Variants in ZMAT4 observed in about 807,000 individuals in gnomAD.
The protein encoded by ZMAT4 is zinc finger matrin-type protein 4.
ZMAT4 carries 17 observed loss-of-function variants against 28.7 expected under a neutral mutation model. The ratio of observed to expected loss-of-function variants is 0.59; its 90% CI spans 0.41 to 0.89. ZMAT4 has a LOEUF of 0.89. ZMAT4 is among the 40% of genes least tolerant of loss of function. The pLI is 0.00. For synonymous variants in ZMAT4, 117 were observed against 109.2 expected (o/e 1.07, Z -0.44); for missense variants, 240 against 283.8 (o/e 0.85, Z 1.11).
intron 3 of ZMAT4, among the ~76,000 whole-genome samples, chr8:40,760,418 C>A (rs1369177151): frequency 6.6e-6 from 1 of 152,174 alleles, no homozygotes; most frequent in Non-Finnish European, 1.5e-5. Context: ...TCCTACTGGC[C>A]AACCCAGTCT....
chr8:40,728,571 C>A (rs1222548708), intron 3 of ZMAT4, among the ~76,000 whole-genome samples: 2 of 152,310 alleles, frequency 1.3e-5, no homozygotes, highest in South Asian at 2.1e-4. Context: ...GCACAACAAT[C>A]AAAAATGCCT....
chr8:40,713,560 G>A (rs1412169892), intron 3 of ZMAT4, among the ~76,000 whole-genome samples: 1 of 152,084 alleles, frequency 6.6e-6, no homozygotes, highest in Non-Finnish European at 1.5e-5. Flanking sequence ...AAGAAAGCTA[G>A]TTAACACCCC....
chr8:40,697,577 T>A (rs567246439), intron 3 of ZMAT4, among the ~76,000 whole-genome samples, 176 bp from the exon 4 acceptor site: 4 of 152,216 alleles, frequency 2.6e-5, no homozygotes, highest in Non-Finnish European at 4.4e-5. Context: ...TTTTTTATTA[T>A]ACTTTAAGTT....
chr8:40,872,964 A>C (rs548410166), intron 1 of ZMAT4, among the ~76,000 whole-genome samples: 2 of 152,294 alleles, frequency 1.3e-5, no homozygotes, highest in Non-Finnish European at 1.5e-5. Flanking sequence ...CCAGCACAGC[A>C]GAAACCATGG....
intron 2 of ZMAT4, among the ~76,000 whole-genome samples, chr8:40,799,937 A>G (rs922069335): frequency 5.3e-5 from 8 of 152,084 alleles, no homozygotes; most frequent in Admixed American, 1.3e-4. Flanking sequence ...AAATAAGAAT[A>G]ACTAATGTGT....
chr8:40,827,101 C>T (rs565818899), intron 1 of ZMAT4, among the ~76,000 whole-genome samples: 17 of 152,288 alleles, frequency 1.1e-4, no homozygotes, highest in African/African-American at 3.6e-4. Flanking sequence ...ATTTGCATAG[C>T]CAAAAATATG....
At chr8:40,642,771 G>A (rs964306656) in intron 5 of ZMAT4, among the ~76,000 whole-genome samples, 1 of 152,218 alleles carries the variant, frequency 6.6e-6, no homozygotes, top group Admixed American at 6.5e-5. Context: ...TTTAGAGGAG[G>A]AGCACTGCCG....
At chr8:40,749,895 C>G (rs1206446710) in intron 3 of ZMAT4, among the ~76,000 whole-genome samples, 3 of 152,208 alleles carry the variant, frequency 2.0e-5, no homozygotes, top group African/African-American at 7.2e-5. Flanking sequence ...GCAATGCTTA[C>G]ATGATAGAAT....
chr8:40,758,281 C>T (rs1812776967), intron 3 of ZMAT4, among the ~76,000 whole-genome samples: 1 of 152,120 alleles, frequency 6.6e-6, no homozygotes, highest in Non-Finnish European at 1.5e-5. Flanking sequence ...CATTGTATTC[C>T]CTTTCTCTTC....
chr8:40,857,466 A>G (rs960859441), intron 1 of ZMAT4, among the ~76,000 whole-genome samples: 3 of 152,196 alleles, frequency 2.0e-5, no homozygotes, highest in Non-Finnish European at 2.9e-5. Context: ...GAAGGACCAC[A>G]ATGGAATTCC....
chr8:40,532,144 T>C lies in ZMAT4; in HGVS notation c.*79A>G. 1 of 1,370,766 alleles carries C rather than the reference T, an allele frequency of 7.3e-7. No individual in the cohort carries two copies. Among genetic ancestry groups the C allele is most frequent in the Non-Finnish European group, 9.9e-7 (1 of 1,012,276 alleles). The allele number at this position is 1,370,766 out of a possible 1,614,324, so 84.9% of individuals were successfully genotyped here. ...ATGTTTATTGTTCAAGAAAGAAGCC[T>C]CCTCTGGTGGTTGATAAGCAATTCT... On this transcript the variant is annotated 3_prime_UTR_variant, in exon 7 of 7. Transcript: ENST00000297737.
intron 2 of ZMAT4, among the ~76,000 whole-genome samples, chr8:40,812,311 C>T (rs774001702): frequency 2.0e-5 from 3 of 152,180 alleles, no homozygotes; most frequent in Non-Finnish European, 4.4e-5. Flanking sequence ...GTCGATAGCA[C>T]GTACTCTTGA....
intron 5 of ZMAT4, among the ~76,000 whole-genome samples, chr8:40,592,083 G>T (rs906086743): frequency 2.0e-5 from 3 of 152,090 alleles, no homozygotes; most frequent in Non-Finnish European, 4.4e-5. Flanking sequence ...ATGAAGCATG[G>T]CTGCTCTAGT....
At chr8:40,746,253 C>CT (rs1432961102) in intron 3 of ZMAT4, among the ~76,000 whole-genome samples, 1 of 116,988 alleles carries the variant, frequency 8.5e-6, no homozygotes, top group African/African-American at 3.1e-5. Flanking sequence ...CCCTCCCTCC[C>CT]TCCCTCCCTC....
chr8:40,676,569 C>A (rs1004035127), intron 4 of ZMAT4, among the ~76,000 whole-genome samples: 1 of 151,878 alleles, frequency 6.6e-6, no homozygotes, highest in Admixed American at 6.6e-5. Flanking sequence ...TTTCAGGTAA[C>A]TTTTAGGTGG....
At chr8:40,683,563 G>A (rs188397333) in intron 4 of ZMAT4, among the ~76,000 whole-genome samples, 224 of 152,208 alleles carry the variant, frequency 1.5e-3, no homozygotes, top group African/African-American at 5.0e-3. Context: ...CATTCCTTTT[G>A]ATTATTTTGA....
At chr8:40,649,030 A>C (rs12679262) in intron 5 of ZMAT4, among the ~76,000 whole-genome samples, 72,081 of 136,812 alleles carry the variant, frequency 0.53, 20,012 homozygotes, top group East Asian at 0.67. Context: ...CGAGCAAAAT[A>C]ACCAGCTAAC....
chr8:40,599,004 T>C (rs1335823139), intron 5 of ZMAT4, among the ~76,000 whole-genome samples: 1 of 152,184 alleles, frequency 6.6e-6, no homozygotes, highest in Non-Finnish European at 1.5e-5. Flanking sequence ...TCATAAGTTT[T>C]AAATATAAGA....
chr8:40,583,634 T>C (rs149268037), intron 5 of ZMAT4, among the ~76,000 whole-genome samples: 250 of 152,304 alleles, frequency 1.6e-3, no homozygotes, highest in Non-Finnish European at 2.7e-3. Context: ...TAAGCACGCA[T>C]CTCTGACACA....
Sources: gnomAD v4.1 joint callset for allele counts (sites outside exome capture counted in the v4.1 genomes callset) on GRCh38, gnomAD v4.1.1 for gene constraint, MANE v1.5 for transcripts, NCBI Gene and HGNC (gene_info 2026-07-23, HGNC 2026-07-21) for gene names.